The following SERPINI1 variants were observed in gnomAD, a reference collection of about 807,000 sequenced individuals.
SERPINI1 encodes the protein neuroserpin.
In SERPINI1, 19 loss-of-function variants were observed where a neutral mutation model predicts 41.1. That is an observed-to-expected ratio of 0.46 (90% CI 0.32 to 0.68). The LOEUF is 0.68. SERPINI1 is among the 30% of genes least tolerant of loss of function. SERPINI1 has a pLI of 0.03. For missense variants in SERPINI1, 460 were observed against 479.2 expected (o/e 0.96, Z 0.37); for synonymous variants, 138 against 156.6 (o/e 0.88, Z 0.89).
At chr3:167,807,976 C>T (rs538332777) in intron 6 of SERPINI1, among the ~76,000 whole-genome samples, 1 of 151,568 alleles carries the variant, frequency 6.6e-6, no homozygotes, top group Non-Finnish European at 1.5e-5. Context: ...AAATTAGCCA[C>T]ACATGGTGGT....
intron 1 of SERPINI1, among the ~76,000 whole-genome samples, chr3:167,781,863 G>A (rs62279560): frequency 0.13 from 19,501 of 151,634 alleles, 1,532 homozygotes; most frequent in African/African-American, 0.21. Flanking sequence ...TTTATAATGC[G>A]GACTTTCAGT....
chr3:167,768,539 C>T (rs1172612376), intron 1 of SERPINI1, among the ~76,000 whole-genome samples: 3 of 152,144 alleles, frequency 2.0e-5, no homozygotes, highest in African/African-American at 7.2e-5. Context: ...GGGTTAAAAA[C>T]AAAAGCACAT....
In SERPINI1 at chr3:167,793,596, A is replaced by ATATATATTTTTTTTTT; in HGVS notation, c.676+813_676+814insATATATTTTTTTTTTT. ...TACAAATATATATATATATATATAT[A>ATATATATTTTTTTTTT]TTTTTAATTAGCTAGGCATAATGGT... On this transcript the variant is annotated intron_variant, in intron 4 of 8. Transcript: ENST00000446050. Among the ~76,000 whole-genome samples, 26 of 140,614 alleles carry ATATATATTTTTTTTTT rather than the reference A, an allele frequency of 1.8e-4. 1 individual carries two copies. Among genetic ancestry groups the ATATATATTTTTTTTTT allele is most frequent in the African/African-American group, 6.6e-4 (24 of 36,554 alleles). The allele number at this position is 140,614 out of a possible 152,430, so 92.2% of individuals were successfully genotyped here. A position where few individuals can be genotyped will look rare whatever the true frequency, so the allele number is the denominator to read the frequency against.
chr3:167,767,931 G>A lies in SERPINI1; in HGVS notation c.-18-21180G>A, dbSNP rs1012188331. Among the ~76,000 whole-genome samples, 19 of 152,318 alleles carry A rather than the reference G, an allele frequency of 1.2e-4. No homozygotes were observed. The East Asian group carries it at 3.1e-3, about 25-fold the overall frequency. ...TTTTTTGGAGGTGGAATCTACTGGT[G>A]AAGATGCTGTGAACATTGTTGAAAT... On this transcript the variant is annotated intron_variant, in intron 1 of 8. Transcript: ENST00000446050.
rs71627214 is a variant in SERPINI1, at chr3:167,772,897, C to G, written c.-18-16214C>G. Reference sequence around the variant, plus strand: ...ATATATATATATATATATATATACACACACACACACACACACACACACACA... The same window carrying G: ...ATATATATATATATATATATATACAGACACACACACACACACACACACACA... On this transcript the variant is annotated intron_variant, in intron 1 of 8. Transcript: ENST00000446050. 7.8e-4 allele frequency among the ~76,000 whole-genome samples: 31 copies of G among 39,596 alleles called. 1 individual carries two copies. Among genetic ancestry groups the G allele is most frequent in the African/African-American group, 4.4e-3 (30 of 6,872 alleles). 26.0% of individuals were successfully genotyped at this position (39,596 alleles called of 152,430 possible). A position where few individuals can be genotyped will look rare whatever the true frequency, so the allele number is the denominator to read the frequency against.
intron 1 of SERPINI1, among the ~76,000 whole-genome samples, chr3:167,748,419 T>C (rs1725931731): frequency 6.6e-6 from 1 of 152,194 alleles, no homozygotes; most frequent in Non-Finnish European, 1.5e-5. Context: ...GTGTAATGCA[T>C]AGTGAAGACT....
At chr3:167,820,235 C>T (rs769538832) in intron 6 of SERPINI1, among the ~76,000 whole-genome samples, 4 of 152,106 alleles carry the variant, frequency 2.6e-5, no homozygotes, top group Admixed American at 6.5e-5. Context: ...CTGGAGTGGC[C>T]GCTCCCATGA....
chr3:167,779,293 G>C (rs1257788329), intron 1 of SERPINI1, among the ~76,000 whole-genome samples: 3 of 152,054 alleles, frequency 2.0e-5, no homozygotes, highest in African/African-American at 7.2e-5. Flanking sequence ...ACATATCAAA[G>C]TTTTTTTAGC....
chr3:167,786,581 G>A (rs1577417126), intron 1 of SERPINI1, among the ~76,000 whole-genome samples: 2 of 151,872 alleles, frequency 1.3e-5, no homozygotes, highest in East Asian at 3.9e-4. Flanking sequence ...ACTATGAATG[G>A]AGCTTGCATG....
intron 6 of SERPINI1, among the ~76,000 whole-genome samples, chr3:167,812,292 C>T (rs1711918943): frequency 6.6e-6 from 1 of 152,194 alleles, no homozygotes; most frequent in African/African-American, 2.4e-5. Flanking sequence ...GTGCCCCATC[C>T]GCTGCTCAGC....
intron 6 of SERPINI1, among the ~76,000 whole-genome samples, chr3:167,818,402 A>G (rs1192236364): frequency 1.3e-5 from 2 of 152,234 alleles, no homozygotes; most frequent in Non-Finnish European, 2.9e-5. Context: ...CAAATCATGT[A>G]TAATAGATAT....
chr3:167,810,413 A>C (rs1711829909), intron 6 of SERPINI1, among the ~76,000 whole-genome samples: 1 of 152,214 alleles, frequency 6.6e-6, no homozygotes, highest in Non-Finnish European at 1.5e-5. Flanking sequence ...ACTAAAGTGA[A>C]TATTCCAATA....
intron 6 of SERPINI1, among the ~76,000 whole-genome samples, chr3:167,822,292 G>A (rs906083260): frequency 1.3e-5 from 2 of 152,068 alleles, no homozygotes; most frequent in Admixed American, 6.5e-5. Context: ...AGTACTGGGG[G>A]TTATGACTTT....
At chr3:167,798,530 A>C (rs1727787060) in intron 5 of SERPINI1, among the ~76,000 whole-genome samples, 1 of 152,194 alleles carries the variant, frequency 6.6e-6, no homozygotes, top group African/African-American at 2.4e-5. Context: ...ACCCATTTTT[A>C]GCAAAGGTAA....
intron 5 of SERPINI1, among the ~76,000 whole-genome samples, chr3:167,802,334 CAGGCA>C (rs1488628361): frequency 1.3e-5 from 2 of 151,464 alleles, no homozygotes; most frequent in Non-Finnish European, 3.0e-5. Context: ...TCAGAGTGAA[CAGGCA>C]ACCTACAAAA....
chr3:167,748,797 CTG>C (rs1400509093), intron 1 of SERPINI1, among the ~76,000 whole-genome samples: 2 of 128,804 alleles, frequency 1.6e-5, no homozygotes, highest in African/African-American at 2.9e-5. Context: ...TGTGTGTTAA[CTG>C]TATCTAAATA....
At chr3:167,764,056 T>C (rs887459400) in intron 1 of SERPINI1, among the ~76,000 whole-genome samples, 17 of 152,128 alleles carry the variant, frequency 1.1e-4, no homozygotes, top group South Asian at 2.1e-4. Flanking sequence ...TTTCCTGGTA[T>C]CTTTATTGCA....
At chr3:167,803,514 C>G (rs1257330524) in intron 5 of SERPINI1, among the ~76,000 whole-genome samples, 1 of 152,066 alleles carries the variant, frequency 6.6e-6, no homozygotes, top group East Asian at 1.9e-4. Context: ...CATGCTAGCA[C>G]CATCCTATGA....
chr3:167,820,859 T>TA (rs1472553625), intron 6 of SERPINI1, among the ~76,000 whole-genome samples: 3 of 152,106 alleles, frequency 2.0e-5, no homozygotes, highest in Non-Finnish European at 4.4e-5. Flanking sequence ...AATGAGAACT[T>TA]ACGGTGCTTT....
Sources: gnomAD v4.1 joint callset for allele counts (sites outside exome capture counted in the v4.1 genomes callset) on GRCh38, gnomAD v4.1.1 for gene constraint, MANE v1.5 for transcripts, NCBI Gene and HGNC (gene_info 2026-07-23, HGNC 2026-07-21) for gene names.